SLC29A2: variants seen among roughly 807,000 people sequenced by gnomAD.
The protein encoded by SLC29A2 is solute carrier family 29 member 2, also known as equilibrative nucleoside transporter 2.
A neutral mutation model predicts 48.8 loss-of-function variants in SLC29A2; 37 were observed. The ratio of observed to expected loss-of-function variants is 0.76; its 90% CI spans 0.58 to 1.00. The LOEUF (loss-of-function observed/expected upper bound fraction) is 1.00. SLC29A2 is among the 50% of genes least tolerant of loss of function. The pLI is 0.00. For synonymous variants in SLC29A2, 233 were observed against 261.7 expected, an observed-to-expected ratio of 0.89 and a Z score of 1.06; for missense variants, 533 against 578.6, an observed-to-expected ratio of 0.92 and a Z score of 0.81.
intron 7 of SLC29A2, 140 bp from the exon 8 acceptor site, chr11:66,366,704 TTTTGGAAG>T (rs1258121612): frequency 4.3e-6 from 4 of 931,096 alleles, no homozygotes; most frequent in Non-Finnish European, 4.8e-6. Flanking sequence ...AATCCCAACA[TTTTGGAAG>T]GCCGAGGCGG....
chr11:66,365,901 T>G (rs1343265948), intron 10 of SLC29A2, 35 bp downstream of exon 10: 10 of 1,597,930 alleles, frequency 6.3e-6, no homozygotes, highest in Non-Finnish European at 7.7e-6. Flanking sequence ...AACTGCTTCC[T>G]AAAACATCGG....
intron 7 of SLC29A2, among the ~76,000 whole-genome samples, chr11:66,366,922 G>C (rs1275826665): frequency 1.3e-5 from 2 of 152,134 alleles, no homozygotes; most frequent in East Asian, 3.9e-4. Context: ...CAGCCTAGGT[G>C]ACAGAGTGAG....
chr11:66,366,307 G>A, intron 8 of SLC29A2, 76 bp from the exon 9 acceptor site: 1 of 1,595,962 alleles, frequency 6.3e-7, no homozygotes, highest in Non-Finnish European at 8.6e-7. Context: ...CCCCATGTGG[G>A]AGCAGGACAC....
chr11:66,370,060 G>T (rs1037920158), intron 2 of SLC29A2, among the ~76,000 whole-genome samples: 2 of 152,198 alleles, frequency 1.3e-5, no homozygotes, highest in Admixed American at 1.3e-4. Flanking sequence ...CCCATCTTCT[G>T]CTCCATCCTG....
upstream of SLC29A2, chr11:66,371,825 T>G: frequency 1.8e-6 from 1 of 552,252 alleles, no homozygotes; most frequent in Non-Finnish European, 3.2e-6. Flanking sequence ...GCCACCCGTC[T>G]CTCCTTCCCC....
intron 7 of SLC29A2, among the ~76,000 whole-genome samples, chr11:66,366,934 T>A (rs1312177055): frequency 6.6e-6 from 1 of 152,008 alleles, no homozygotes; most frequent in Non-Finnish European, 1.5e-5. Context: ...CAGAGTGAGA[T>A]CCTGACTCAA....
At chr11:66,367,742 G>A (rs1237584068) in intron 6 of SLC29A2, 30 bp downstream of exon 6, 1 of 1,595,076 alleles carries the variant, frequency 6.3e-7, no homozygotes, top group South Asian at 1.1e-5. Context: ...ATGCTTTGAG[G>A]TGGGGCCTCG....
intron 8 of SLC29A2, 92 bp downstream of exon 8, chr11:66,366,339 T>C: frequency 2.5e-6 from 4 of 1,606,936 alleles, no homozygotes; most frequent in Non-Finnish European, 3.4e-6. Flanking sequence ...CCCAGCTGTG[T>C]CCCTGACCCA....
In SLC29A2 at chr11:66,364,274, C is replaced by T. The variant is rs1470849658; in HGVS notation, c.1210G>A (p.Ala404Thr). Reference protein sequence around the residue: ...AYFITFMLLFAVSNGYLVSLT... With the variant: ...AYFITFMLLFTVSNGYLVSLT... ...GACACCAGGTAGCCATTAGAAACGG[C>T]AAAGAGCAGCATGAAGGTGATGAAG... The change falls in exon 11 of 12, where the codon GCC becomes ACC. Residue 404 changes from alanine to threonine, a missense_variant. By Grantham distance (58) the Ala-to-Thr change is moderately conservative. Coordinates refer to ENST00000357440, the MANE Select transcript of SLC29A2 (RefSeq NM_001532.3). The T allele has an allele frequency of 3.1e-6, 5 of 1,613,816 alleles. No individual in the cohort carries two copies. Among genetic ancestry groups the T allele is most frequent in the Non-Finnish European group, 4.2e-6 (5 of 1,179,946 alleles).
chr11:66,371,080 T>C (rs1376083565), intron 2 of SLC29A2, among the ~76,000 whole-genome samples, 164 bp downstream of exon 2: 1 of 152,128 alleles, frequency 6.6e-6, no homozygotes, highest in East Asian at 1.9e-4. Context: ...TCTACTTTCC[T>C]AGCCACGGGG....
Position 66,366,524 on chromosome 11 carries a change from C to T in SLC29A2, c.774G>A (p.Leu258=), listed in dbSNP as rs1192561990. 6 of 1,613,898 alleles carry T rather than the reference C, an allele frequency of 3.7e-6. No individual in the cohort carries two copies. Among genetic ancestry groups the T allele is most frequent in the Non-Finnish European group, 4.2e-6 (5 of 1,180,040 alleles). The change falls in exon 8 of 12, where the codon CTG becomes CTA. Residue 258 remains leucine, a synonymous_variant. Coordinates refer to ENST00000357440, the MANE Select transcript of SLC29A2 (RefSeq NM_001532.3). ...GIPSSPQKVA[L]TLDLDLEKEP... is the part of the protein sequence containing the mutation. ...CCTTCTCCAGGTCAAGATCCAGGGT[C>T]AGAGCTACTTTCTGGGGACTACTGG...
chr11:66,368,493 C>T (rs751895910), intron 5 of SLC29A2, 44 bp downstream of exon 5: 2 of 1,612,400 alleles, frequency 1.2e-6, no homozygotes, highest in African/African-American at 1.3e-5. Flanking sequence ...CTTCCCCAAA[C>T]CTCAGAGGCC....
At chr11:66,367,068 G>A (rs1855740414) in intron 7 of SLC29A2, among the ~76,000 whole-genome samples, 1 of 152,214 alleles carries the variant, frequency 6.6e-6, no homozygotes, top group African/African-American at 2.4e-5. Flanking sequence ...GCGTGCATGG[G>A]TCGGGTGATG....
chr11:66,367,389 G>A (rs1236313617), intron 7 of SLC29A2, 75 bp downstream of exon 7: 5 of 1,281,706 alleles, frequency 3.9e-6, no homozygotes, highest in Non-Finnish European at 5.7e-6. Context: ...GGGAACAGAT[G>A]GAACAGCTTC....
At chr11:66,364,644 A>T (rs1855566155) in intron 10 of SLC29A2, 14 of 525,016 alleles carry the variant, frequency 2.7e-5, no homozygotes, top group Non-Finnish European at 4.8e-5. Flanking sequence ...AGCTGGGACT[A>T]TAGGCGCCTG....
At chr11:66,368,819 A>G (rs1431956252) in intron 4 of SLC29A2, 148 bp from the exon 5 acceptor site, 11 of 1,186,688 alleles carry the variant, frequency 9.3e-6, no homozygotes, top group Non-Finnish European at 1.3e-5. Context: ...CGGGGGCAAC[A>G]CCCGCTATTC....
intron 2 of SLC29A2, 49 bp from the exon 3 acceptor site, chr11:66,369,581 C>G (rs375666387): frequency 1.3e-5 from 21 of 1,603,332 alleles, no homozygotes; most frequent in Non-Finnish European, 1.5e-5. Flanking sequence ...AGCCTTCCCC[C>G]GCTGCCTTCC....
rs777368646 is a variant in SLC29A2 at position 66,366,615 on chromosome 11, G to A, written c.734-51C>T. The A allele has an allele frequency of 1.3e-5, 20 of 1,599,656 alleles. No individual in the cohort carries two copies. The African/African-American group carries it at 1.7e-4, about 14-fold the overall frequency. ...GTCATGCTTGTGACCCAGGTTTCCC[G>A]ACAGCCAGGCCCAACGAAGGGAGAT... On this transcript the variant is annotated intron_variant, in intron 7 of 11. Transcript: ENST00000357440.
At chr11:66,367,403 G>A (rs1478044035) in intron 7 of SLC29A2, 61 bp downstream of exon 7, 26 of 1,412,058 alleles carry the variant, frequency 1.8e-5, no homozygotes, top group Non-Finnish European at 1.8e-5. Flanking sequence ...CAGCTTCCCA[G>A]GGGAGGTGGC....
Sources: allele counts gnomAD v4.1 joint callset (sites outside exome capture counted in the v4.1 genomes callset), GRCh38; gene constraint gnomAD v4.1.1; transcripts MANE v1.5; gene names NCBI Gene and HGNC (gene_info 2026-07-23, HGNC 2026-07-21).